The following TASOR2 variants were observed in gnomAD, a reference collection of about 807,000 sequenced individuals.
TASOR2 encodes the protein protein TASOR 2.
In TASOR2, 84 loss-of-function variants were observed where a neutral mutation model predicts 199.5. The observed-to-expected ratio is 0.42, with a 90% CI of 0.35 to 0.50. The LOEUF (loss-of-function observed/expected upper bound fraction) is 0.50. Among genes scored for constraint, TASOR2 ranks in the 20% least tolerant of loss-of-function variants. The pLI is 0.02. For missense variants in TASOR2, 2,796 were observed against 2,835.9 expected (o/e 0.99, Z 0.32); for synonymous variants, 1,103 against 1,046.6 (o/e 1.05, Z -1.04).
At chr10:5,749,273 G>T (rs764177681) in exon 15 of TASOR2, 1 of 1,614,120 alleles carries the variant, frequency 6.2e-7, no homozygotes, top group Non-Finnish European at 8.5e-7. Flanking sequence ...CCGAGTTTCA[G>T]TGCAAACTGT....
intron 20 of TASOR2, 174 bp downstream of exon 21, chr10:5,762,820 A>G (rs900647892): frequency 6.3e-6 from 4 of 633,544 alleles, no homozygotes; most frequent in Non-Finnish European, 1.1e-5. Context: ...AGGAATTCCT[A>G]AATTATCACT....
At chr10:5,745,739 AC>A (rs1837096235) in intron 14 of TASOR2, among the ~76,000 whole-genome samples, 3 of 152,060 alleles carry the variant, frequency 2.0e-5, no homozygotes, top group Admixed American at 1.3e-4. Context: ...AGATCACTCC[AC>A]TGCACTGCAG....
chr10:5,745,383 G>T lies in TASOR2; in HGVS notation c.2758-796G>T, dbSNP rs189931632. Among the ~76,000 whole-genome samples, 4 of 152,306 alleles carry T rather than the reference G, an allele frequency of 2.6e-5. No individual in the cohort carries two copies. In the East Asian group the frequency reaches 7.7e-4, roughly 29 times the overall value. ...AATCAATGTATTCTGAGTACAGGGG[G>T]TAGTAATTAATTTACTCTGTTGCCT... On this transcript the variant is annotated intron_variant, in intron 14 of 20. Coordinates refer to ENST00000328090, the Ensembl canonical transcript of TASOR2.
chr10:5,758,553 G>C (rs1411900106), intron 17 of TASOR2, among the ~76,000 whole-genome samples: 1 of 152,136 alleles, frequency 6.6e-6, no homozygotes, highest in Admixed American at 6.6e-5. Context: ...AAAGGATTCT[G>C]TATTTAGAAA....
At chr10:5,763,336 C>T in exon 21 of TASOR2, 2 of 290,484 alleles carry the variant, frequency 6.9e-6, no homozygotes, top group Non-Finnish European at 1.3e-5. Flanking sequence ...TTAGTTGGAG[C>T]AAAAATAAGT....
At chr10:5,715,740 T>G (rs58810774) in intron 2 of TASOR2, among the ~76,000 whole-genome samples, 28 of 152,230 alleles carry the variant, frequency 1.8e-4, no homozygotes, top group African/African-American at 6.5e-4. Context: ...ACTCCTTGGT[T>G]CAAGTGATTC....
At chr10:5,724,189 A>G (rs1366677927) in intron 7 of TASOR2, among the ~76,000 whole-genome samples, 1 of 151,646 alleles carries the variant, frequency 6.6e-6, no homozygotes, top group Non-Finnish European at 1.5e-5. Context: ...TTATTCATGT[A>G]GTATTTGTAT....
chr10:5,729,556 AT>A (rs1834518936), intron 10 of TASOR2, among the ~76,000 whole-genome samples: 1 of 152,052 alleles, frequency 6.6e-6, no homozygotes, highest in African/African-American at 2.4e-5. Flanking sequence ...AAAAATTTTT[AT>A]TTTGATATCT....
chr10:5,696,294 G>A (rs1390060027), intron 1 of TASOR2, among the ~76,000 whole-genome samples: 1 of 152,184 alleles, frequency 6.6e-6, no homozygotes, highest in Non-Finnish European at 1.5e-5. Context: ...GGATCCATCA[G>A]ATCACCTGGA....
intron 2 of TASOR2, among the ~76,000 whole-genome samples, chr10:5,716,375 G>A (rs979052591): frequency 1.2e-4 from 18 of 151,784 alleles, no homozygotes; most frequent in Admixed American, 8.5e-4. Context: ...ATATATCTTC[G>A]ATATATAATG....
intron 3 of TASOR2, among the ~76,000 whole-genome samples, chr10:5,718,673 CA>C (rs1454819439): frequency 6.6e-6 from 1 of 151,236 alleles, no homozygotes; most frequent in Non-Finnish European, 1.5e-5. Flanking sequence ...GCAGGAGAAT[CA>C]CTTGAACCTG....
In TASOR2 at chr10:5,747,626, C is replaced by T. The variant is rs755734510; in HGVS notation, c.4205C>T (p.Ala1402Val). 1.5e-5 allele frequency: 25 copies of T among 1,614,200 alleles called. No homozygotes were observed. The East Asian group carries it at 1.6e-4, about 10-fold the overall frequency. The change falls in exon 15 of 21, where the codon GCG (alanine) becomes GTG (valine). Residue 1402 changes from alanine (A) to valine (V), a missense_variant. Transcript: ENST00000328090. Reference sequence around the variant, plus strand: ...TCTGTAATTGAAGAAGTATCACCAGCGTCTAGTCCTGAACCTCCAGTACCA... The same window carrying T: ...TCTGTAATTGAAGAAGTATCACCAGTGTCTAGTCCTGAACCTCCAGTACCA...
exon 13 of TASOR2, chr10:5,739,681 T>C: frequency 6.2e-7 from 1 of 1,613,992 alleles, no homozygotes; most frequent in South Asian, 1.1e-5. Context: ...GAAGATGGGA[T>C]TAGCATAAAT....
chr10:5,694,284 T>C (rs1836870535), intron 1 of TASOR2, among the ~76,000 whole-genome samples: 1 of 152,192 alleles, frequency 6.6e-6, no homozygotes, highest in Admixed American at 6.5e-5. Flanking sequence ...GTGTTTTGTG[T>C]TCTGAGGGCA....
In TASOR2 at chr10:5,701,737, C is replaced by T. The variant is rs1209948655; in HGVS notation, c.-287-11086C>T. Reference sequence around the variant, plus strand: ...TTTGTAGCTATTGTAAATGGGATTGCTTTCTTGATTTCTTTTTCAGATTGC... The same window carrying T: ...TTTGTAGCTATTGTAAATGGGATTGTTTTCTTGATTTCTTTTTCAGATTGC... On this transcript the variant is annotated intron_variant, in intron 1 of 20. Transcript: ENST00000328090. The surrounding 1 kb of genome is among the most constrained non-coding windows in gnomAD (Gnocchi z 4.9). Among the ~76,000 whole-genome samples, 1 of 152,036 alleles carries T rather than the reference C, an allele frequency of 6.6e-6. No individual in the cohort carries two copies. The highest frequency in any genetic ancestry group is 2.4e-5 in the African/African-American group (1 of 41,394).
intron 15 of TASOR2, among the ~76,000 whole-genome samples, chr10:5,756,294 T>TA: frequency 6.6e-6 from 1 of 152,378 alleles, no homozygotes; most frequent in South Asian, 2.1e-4. Context: ...GTAGCATTTT[T>TA]AAAGTATATA....
chr10:5,726,138 T>C (rs1394324125), intron 8 of TASOR2, among the ~76,000 whole-genome samples: 2 of 152,208 alleles, frequency 1.3e-5, no homozygotes, highest in Admixed American at 1.3e-4. Context: ...ATTTTATCTT[T>C]TATGTGTATA....
Position 5,742,389 on chromosome 10 carries a change from T to A in TASOR2, c.2620T>A (p.Leu874Met), listed in dbSNP as rs1259404199. The change falls in exon 14 of 21, where the codon TTG becomes ATG. Residue 874 changes from leucine (L) to methionine (M), a missense_variant. Transcript: ENST00000328090. The surrounding 1 kb of genome is among the most constrained non-coding windows in gnomAD (Gnocchi z 4.2). Reference sequence around the variant, plus strand: ...AGTATCCTTCCGTGATCCTAACTGCTTGCTTCCTTTCATTAAAACACCACT... The same window carrying A: ...AGTATCCTTCCGTGATCCTAACTGCATGCTTCCTTTCATTAAAACACCACT... 6.2e-7 allele frequency: 1 copy of A among 1,613,996 alleles called. No homozygotes were observed. Among genetic ancestry groups the A allele is most frequent in the African/African-American group, 1.3e-5 (1 of 74,894 alleles).
Position 5,699,253 on chromosome 10 carries a change from A to G in TASOR2, c.-287-13570A>G, listed in dbSNP as rs1358173706. Among the ~76,000 whole-genome samples, 1 of 152,184 alleles carries G rather than the reference A, an allele frequency of 6.6e-6. No individual in the cohort carries two copies. Among genetic ancestry groups the G allele is most frequent in the East Asian group, 1.9e-4 (1 of 5,200 alleles). On this transcript the variant is annotated intron_variant, in intron 1 of 20. Transcript: ENST00000328090. This position sits in a 1 kb window ranked among gnomAD's most constrained non-coding sequence, Gnocchi z 4.1. ...CCGCGTGCTGTATGACTCTGTTTATAGGAAATGGTCTGGAATAGGCAAATC... is the reference window on the plus strand; with the variant it reads ...CCGCGTGCTGTATGACTCTGTTTATGGGAAATGGTCTGGAATAGGCAAATC...
Sources: gnomAD v4.1 joint callset for allele counts (sites outside exome capture counted in the v4.1 genomes callset) on GRCh38, gnomAD v4.1.1 for gene constraint, Gnocchi (gnomAD v3.1) non-coding constraint, MANE v1.5 for transcripts, NCBI Gene and HGNC (gene_info 2026-07-23, HGNC 2026-07-21) for gene names.